The following TMPRSS3 variants were observed in gnomAD, a reference collection of about 807,000 sequenced individuals.
TMPRSS3 encodes transmembrane serine protease 3.
Under a neutral mutation model 59.6 loss-of-function variants are expected in TMPRSS3, and 55 were observed. That is an observed-to-expected ratio of 0.92 (90% CI 0.74 to 1.16). The LOEUF (loss-of-function observed/expected upper bound fraction) is 1.16, where lower values mean the gene tolerates loss of function less well. Among genes scored for constraint, TMPRSS3 ranks in the 50% most tolerant of loss-of-function variants. The probability of loss-of-function intolerance (pLI) is 0.00; values close to 1 mark genes in which losing one functional copy is unlikely to be tolerated. For synonymous variants in TMPRSS3, 257 were observed against 237.7 expected, an observed-to-expected ratio of 1.08 and a Z score of -0.75; for missense variants, 596 against 579.4, an observed-to-expected ratio of 1.03 and a Z score of -0.29.
Position 42,383,140 on chromosome 21 carries a change from G to A in TMPRSS3, c.675C>T (p.Leu225=). The change falls in exon 8 of 13, where the codon CTC becomes CTT. Residue 225 remains leucine, a synonymous_variant. Transcript: ENST00000644384. ...SRIVGGNMSL[L]SQWPWQASLQ... is the part of the protein sequence containing the mutation. ...GGCTGGCCTGCCAGGGCCACTGCGA[G>A]AGCAAGGACATGTTTCCACCCACGA... 6.2e-7 allele frequency: 1 copy of A among 1,614,218 alleles called. No individual in the cohort carries two copies. The highest frequency in any genetic ancestry group is 8.5e-7 in the Non-Finnish European group (1 of 1,180,042).
chr21:42,380,338 GT>G, intron 9 of TMPRSS3, 126 bp from the exon 10 acceptor site: 2 of 799,604 alleles, frequency 2.5e-6, no homozygotes, highest in Non-Finnish European at 4.2e-6. Context: ...CAAGCCCTTG[GT>G]TACTTGAAAA....
chr21:42,394,283 A>G (rs1437814943), intron 2 of TMPRSS3, among the ~76,000 whole-genome samples: 2 of 152,112 alleles, frequency 1.3e-5, no homozygotes, highest in East Asian at 1.9e-4. Flanking sequence ...AGGTCAAACT[A>G]TGATCAAATG....
chr21:42,389,100 C>A, intron 3 of TMPRSS3, 55 bp from the exon 4 acceptor site: 1 of 1,610,174 alleles, frequency 6.2e-7, no homozygotes, highest in Admixed American at 1.7e-5. Context: ...GAGTGCAACA[C>A]TAACAACTGT....
intron 9 of TMPRSS3, among the ~76,000 whole-genome samples, chr21:42,381,178 G>A (rs1176606629): frequency 6.6e-6 from 1 of 152,214 alleles, no homozygotes; most frequent in African/African-American, 2.4e-5. Flanking sequence ...TTAATTGGGA[G>A]TAGTCTCCTA....
chr21:42,389,618 C>T (rs577124367), intron 3 of TMPRSS3, among the ~76,000 whole-genome samples: 4 of 152,366 alleles, frequency 2.6e-5, no homozygotes, highest in African/African-American at 9.6e-5. Flanking sequence ...GTCTTCTCCC[C>T]GCTGCCCCGG....
Position 42,388,290 on chromosome 21 carries a change from G to T in TMPRSS3, c.446+113C>A. ...GGCATCCTAAGGTGGATGTGAGGAT[G>T]TAATCTGAGAGCGTTAAAGCACCCA... On this transcript the variant is annotated intron_variant, in intron 5 of 12. Coordinates refer to ENST00000644384, the MANE Select transcript of TMPRSS3 (RefSeq NM_001256317.3). The surrounding 1 kb of genome is among the most constrained non-coding windows in gnomAD (Gnocchi z 5.1). 7.0e-7 allele frequency: 1 copy of T among 1,418,694 alleles called. No individual in the cohort carries two copies. The highest frequency in any genetic ancestry group is 9.9e-7 in the Non-Finnish European group (1 of 1,008,838). 87.9% of individuals were successfully genotyped at this position (1,418,694 alleles called of 1,614,324 possible).
At chr21:42,376,723 G>A in intron 10 of TMPRSS3, 40 bp from the exon 11 acceptor site, 2 of 1,613,334 alleles carry the variant, frequency 1.2e-6, no homozygotes, top group Non-Finnish European at 1.7e-6. Context: ...TGAGAAGGAA[G>A]CCCGGCCCAA....
At position 42,376,548 on chromosome 21, in the gene TMPRSS3, C is replaced by T. The variant is rs747606494; in HGVS notation, c.1184G>A (p.Ser395Asn). The T allele has an allele frequency of 1.9e-6, 3 of 1,613,324 alleles. No individual in the cohort carries two copies. The highest frequency in any genetic ancestry group is 2.5e-6 in the Non-Finnish European group (3 of 1,179,892). The change falls in exon 11 of 13, where the codon AGC becomes AAC. Residue 395 changes from serine to asparagine, a missense_variant. Transcript: ENST00000644384. The part of the protein sequence containing the change: ...CAGYLTGGVD[S>N]CQGDSGGPLV... ...ACCGCTGCGGCCCCGTACCTGGCAG[C>T]TGTCCACGCCACCCGTCAGGTAGCC...
intron 10 of TMPRSS3, among the ~76,000 whole-genome samples, chr21:42,378,100 G>A (rs572054360): frequency 9.8e-5 from 15 of 152,354 alleles, no homozygotes; most frequent in Middle Eastern, 3.4e-3. Flanking sequence ...TGCTGGTTCT[G>A]ATGAAGCTAG....
intron 9 of TMPRSS3, among the ~76,000 whole-genome samples, chr21:42,381,295 G>T (rs1228068616): frequency 2.6e-5 from 4 of 152,232 alleles, no homozygotes; most frequent in African/African-American, 7.2e-5. Context: ...AAGAAACAGG[G>T]TCTTTAGGAG....
intron 3 of TMPRSS3, 183 bp from the exon 4 acceptor site, chr21:42,389,228 G>A: frequency 7.8e-7 from 1 of 1,287,962 alleles, no homozygotes; most frequent in Non-Finnish European, 1.1e-6. Flanking sequence ...CAAGGGGTGG[G>A]GCTGCTGTGC....
intron 10 of TMPRSS3, among the ~76,000 whole-genome samples, chr21:42,376,891 C>T (rs1601516379): frequency 6.6e-6 from 1 of 152,142 alleles, no homozygotes; most frequent in East Asian, 1.9e-4. Flanking sequence ...GCTTGCCCTC[C>T]TACGAGTGGC....
In TMPRSS3 at chr21:42,383,128, G is replaced by A. The variant is rs1313025141; in HGVS notation, c.687C>T (p.Pro229=). 13 of 1,614,070 alleles carry A rather than the reference G, an allele frequency of 8.1e-6. No individual in the cohort carries two copies. Among genetic ancestry groups the A allele is most frequent in the Non-Finnish European group, 1.1e-5 (13 of 1,180,050 alleles). Residue 229 remains proline (P), a synonymous_variant, in exon 8 of 13, where the codon CCC becomes CCT. Transcript: ENST00000644384. ...GGNMSLLSQW[P]WQASLQFQGY... is the part of the protein sequence containing the mutation. ...CCTGGAACTGAAGGCTGGCCTGCCAGGGCCACTGCGAGAGCAAGGACATGT... is the reference window on the plus strand; with the variant it reads ...CCTGGAACTGAAGGCTGGCCTGCCAAGGCCACTGCGAGAGCAAGGACATGT...
intron 9 of TMPRSS3, among the ~76,000 whole-genome samples, chr21:42,381,655 C>G (rs1426693025): frequency 3.3e-5 from 5 of 152,186 alleles, no homozygotes; most frequent in Admixed American, 3.3e-4. Context: ...GAAGGTGGCA[C>G]CAGACAAAGC....
At position 42,389,996 on chromosome 21, in the gene TMPRSS3, A is replaced by G. The variant is rs1317189391; in HGVS notation, c.136T>C (p.Leu46=). The G allele has an allele frequency of 1.1e-5, 18 of 1,614,232 alleles. No homozygotes were observed. Among genetic ancestry groups the G allele is most frequent in the Non-Finnish European group, 1.5e-5 (18 of 1,180,026 alleles). ...ATGACGATGATTGGAAAAAACTTCA[A>G]TGGCAGCAGTGACAGGATCTGTGCA... The part of the protein sequence containing the change: ...VAAQILSLLP[L]KFFPIIVIGI... The change falls in exon 3 of 13, where the codon TTG becomes CTG. Residue 46 remains leucine (L), a synonymous_variant. Coordinates refer to ENST00000644384, the MANE Select transcript of TMPRSS3 (RefSeq NM_001256317.3).
intron 9 of TMPRSS3, among the ~76,000 whole-genome samples, chr21:42,381,176 G>A (rs1308433013): frequency 6.6e-6 from 1 of 152,174 alleles, no homozygotes; most frequent in Non-Finnish European, 1.5e-5. Context: ...ATTTAATTGG[G>A]AGTAGTCTCC....
intron 10 of TMPRSS3, among the ~76,000 whole-genome samples, chr21:42,376,976 C>T (rs541918549): frequency 6.6e-6 from 1 of 152,284 alleles, no homozygotes; most frequent in Admixed American, 6.5e-5. Flanking sequence ...GGAGTAGGGG[C>T]AACAGTGGCC....
rs567727376 is a variant in TMPRSS3, at chr21:42,376,863, G to A, written c.1049-180C>T. ...GGGACGAGCAGACTCCCACTGTCTC[G>A]AAGCACCTCAAGCCCGAGCTTGCCC... On this transcript the variant is annotated intron_variant, in intron 10 of 12. Coordinates refer to ENST00000644384, the MANE Select transcript of TMPRSS3 (RefSeq NM_001256317.3). Among the ~76,000 whole-genome samples the A allele has an allele frequency of 3.9e-5, 6 of 152,276 alleles. No homozygotes were observed. The East Asian group carries it at 5.8e-4, about 15-fold the overall frequency.
At chr21:42,385,055 TCCTC>T (rs1230273570) in intron 6 of TMPRSS3, among the ~76,000 whole-genome samples, 5 of 125,908 alleles carry the variant, frequency 4.0e-5, no homozygotes, top group Admixed American at 7.7e-5. Flanking sequence ...CTCCCTTCCT[TCCTC>T]CCTCCCTCCC....
Sources: gnomAD v4.1 joint callset for allele counts (sites outside exome capture counted in the v4.1 genomes callset) on GRCh38, gnomAD v4.1.1 for gene constraint, Gnocchi (gnomAD v3.1) non-coding constraint, MANE v1.5 for transcripts, NCBI Gene and HGNC (gene_info 2026-07-23, HGNC 2026-07-21) for gene names.